CTIF: variants seen among roughly 807,000 people sequenced by gnomAD.
CTIF encodes cap binding complex dependent translation initiation factor.
In CTIF, 21 loss-of-function variants were observed where a neutral mutation model predicts 66.0. That is an observed-to-expected ratio of 0.32 (90% CI 0.23 to 0.46). CTIF has a LOEUF of 0.46. Ranked by LOEUF, CTIF falls within the 20% of genes least tolerant of loss-of-function variation. CTIF has a pLI of 1.00. For synonymous variants in CTIF, 345 were observed against 326.4 expected, an observed-to-expected ratio of 1.06 and a Z score of -0.62; for missense variants, 739 against 812.7, an observed-to-expected ratio of 0.91 and a Z score of 1.10.
intron 7 of CTIF, among the ~76,000 whole-genome samples, chr18:48,742,871 G>T (rs763309385): frequency 3.8e-4 from 58 of 152,302 alleles, no homozygotes; most frequent in Admixed American, 1.5e-3. Flanking sequence ...TGGTCATGGG[G>T]TGAGCATCGG....
At chr18:48,750,726 C>T (rs1299332280) in intron 7 of CTIF, among the ~76,000 whole-genome samples, 1 of 152,244 alleles carries the variant, frequency 6.6e-6, no homozygotes, top group Non-Finnish European at 1.5e-5. Flanking sequence ...GCCCCGGCCT[C>T]CCCATTCCCA....
At chr18:48,818,856 G>GGTGTCAGCGGAGGTGAGGACAGGAGT (rs1599104357) in intron 10 of CTIF, among the ~76,000 whole-genome samples, 1 of 152,114 alleles carries the variant, frequency 6.6e-6, no homozygotes, top group East Asian at 1.9e-4. Context: ...ACGGGCCCTG[G>GGTGTCAGCGGAGGTGAGGACAGGAGT]GTGTCAGCGG....
intron 9 of CTIF, among the ~76,000 whole-genome samples, chr18:48,788,733 A>G (rs1366331691): frequency 1.3e-5 from 2 of 152,174 alleles, no homozygotes; most frequent in South Asian, 2.1e-4. Flanking sequence ...CCCTCTCACC[A>G]TCACAGGGAA....
At chr18:48,785,025 T>C (rs1274294640) in intron 9 of CTIF, among the ~76,000 whole-genome samples, 1 of 152,242 alleles carries the variant, frequency 6.6e-6, no homozygotes, top group Admixed American at 6.5e-5. Context: ...AGTTTTGCAC[T>C]CTGGCCAGTT....
At chr18:48,603,557 GGATA>G in intron 1 of CTIF, among the ~76,000 whole-genome samples, 1 of 149,992 alleles carries the variant, frequency 6.7e-6, no homozygotes, top group African/African-American at 2.5e-5. Context: ...ATGGATGGAT[GGATA>G]AATGGGGGGG....
chr18:48,664,619 C>T, intron 5 of CTIF, 68 bp downstream of exon 5: 2 of 1,331,372 alleles, frequency 1.5e-6, no homozygotes, highest in Non-Finnish European at 2.1e-6. Flanking sequence ...TTTGCCTCCA[C>T]AGGGAGGCTG....
intron 6 of CTIF, among the ~76,000 whole-genome samples, chr18:48,693,767 A>T (rs989021989): frequency 1.3e-5 from 2 of 152,210 alleles, no homozygotes; most frequent in Non-Finnish European, 2.9e-5. Flanking sequence ...ATTGGTTTTT[A>T]TAAATAAAGC....
intron 1 of CTIF, among the ~76,000 whole-genome samples, chr18:48,560,515 A>G (rs539801348): frequency 4.6e-4 from 70 of 151,470 alleles, no homozygotes; most frequent in Non-Finnish European, 9.1e-4. Context: ...GTGAGCCACC[A>G]CGCCCGGCTT....
intron 7 of CTIF, among the ~76,000 whole-genome samples, chr18:48,728,676 G>A (rs1244976856): frequency 1.3e-5 from 2 of 151,904 alleles, no homozygotes; most frequent in Non-Finnish European, 1.5e-5. Context: ...TCCTTGCAAC[G>A]TGGGCCTCTC....
At chr18:48,620,474 C>T (rs2090473840) in intron 2 of CTIF, among the ~76,000 whole-genome samples, 1 of 152,210 alleles carries the variant, frequency 6.6e-6, no homozygotes, top group Non-Finnish European at 1.5e-5. Flanking sequence ...GATTTTTGTT[C>T]AAGAGCTGCT....
At position 48,859,352 on chromosome 18, in the gene CTIF, T is replaced by C; in HGVS notation, c.1590T>C (p.Ser530=). ...AVLCCSMELQ[S]TGRLLEEQLP... ...CACATCTCTGTCTGCAGCTGCAGAG[T>C]ACAGGCCGGCTGCTGGAGGAACAGC... The change falls in exon 12 of 12, where the codon AGT becomes AGC. Residue 530 remains serine, a synonymous_variant. Coordinates refer to ENST00000256413, the MANE Select transcript of CTIF (RefSeq NM_014772.3). The C allele has an allele frequency of 1.2e-6, 2 of 1,613,822 alleles. No individual in the cohort carries two copies. Among genetic ancestry groups the C allele is most frequent in the Non-Finnish European group, 1.7e-6 (2 of 1,179,954 alleles).
rs1306402610 is a variant in CTIF at position 48,859,887 on chromosome 18, G to A, written c.*328G>A. 1 of 538,812 alleles carries A rather than the reference G, an allele frequency of 1.9e-6. No individual in the cohort carries two copies. Among genetic ancestry groups the A allele is most frequent in the Non-Finnish European group, 3.6e-6 (1 of 280,476 alleles). 33.4% of individuals were successfully genotyped at this position (538,812 alleles called of 1,614,324 possible). On this transcript the variant is annotated 3_prime_UTR_variant, in exon 12 of 12. Coordinates refer to ENST00000256413, the MANE Select transcript of CTIF (RefSeq NM_014772.3). ...CATCCCCCACGGAGCTTTGTGTGAG[G>A]GATCTCATCGCTGTGACTCCTCGGA...
At chr18:48,652,882 T>C (rs1286936163) in intron 3 of CTIF, among the ~76,000 whole-genome samples, 2 of 151,948 alleles carry the variant, frequency 1.3e-5, no homozygotes, top group African/African-American at 4.9e-5. Flanking sequence ...AAAAACCACA[T>C]GATTATCTCA....
At chr18:48,544,578 T>A (rs1211230430) in intron 1 of CTIF, among the ~76,000 whole-genome samples, 1 of 152,062 alleles carries the variant, frequency 6.6e-6, no homozygotes, top group Non-Finnish European at 1.5e-5. Flanking sequence ...GTAGGGGAGA[T>A]AAAGTATGGG....
At chr18:48,663,690 C>T (rs1457197090) in intron 3 of CTIF, 62 bp from the exon 4 acceptor site, 4 of 1,500,382 alleles carry the variant, frequency 2.7e-6, no homozygotes, top group Non-Finnish European at 3.7e-6. Flanking sequence ...GGCCCTGGCC[C>T]CGTGTTCTCA....
chr18:48,621,576 G>T, intron 2 of CTIF: 1 of 390,234 alleles, frequency 2.6e-6, no homozygotes. Flanking sequence ...GGCTGCTCCT[G>T]GAGCCCAGGA....
In CTIF at chr18:48,619,692, G is replaced by C; in HGVS notation, c.127G>C (p.Asp43His). ...LEYQVQGLLA[D>H]KTEGDGESER... ...GTACCAGGTGCAGGGGCTGCTGGCT[G>C]ACAAGACGGAGGGTGATGGCGAGAG... Residue 43 changes from aspartate (D) to histidine (H), a missense_variant, in exon 2 of 12, where the codon GAC (aspartate) becomes CAC (histidine). By Grantham distance (81) the Asp-to-His change is moderately conservative. Transcript: ENST00000256413. 2 of 1,608,264 alleles carry C rather than the reference G, an allele frequency of 1.2e-6. No individual in the cohort carries two copies. The highest frequency in any genetic ancestry group is 1.7e-6 in the Non-Finnish European group (2 of 1,177,686).
In CTIF at chr18:48,738,973, C is replaced by T. The variant is rs575625045; in HGVS notation, c.585-18946C>T. ...TGGGCTACCTCCCATCCTGCAGTTC[C>T]CCTCCTGAGACCAGACATAAGACAC... On this transcript the variant is annotated intron_variant, in intron 7 of 11. Coordinates refer to ENST00000256413, the MANE Select transcript of CTIF (RefSeq NM_014772.3). 5.6e-4 allele frequency among the ~76,000 whole-genome samples: 85 copies of T among 152,298 alleles called. 1 individual carries two copies. The highest frequency in any genetic ancestry group is 1.7e-3 in the African/African-American group (69 of 41,550).
At chr18:48,625,344 A>T (rs765685501) in intron 2 of CTIF, 1 of 292,072 alleles carries the variant, frequency 3.4e-6, no homozygotes, top group Non-Finnish European at 5.1e-6. Context: ...TTATGCATAC[A>T]TTCCCATAGT....
Sources: gnomAD v4.1 joint callset for allele counts (sites outside exome capture counted in the v4.1 genomes callset) on GRCh38, gnomAD v4.1.1 for gene constraint, MANE v1.5 for transcripts, NCBI Gene and HGNC (gene_info 2026-07-23, HGNC 2026-07-21) for gene names.